The following IL12RB2 variants were observed in gnomAD, a reference collection of about 807,000 sequenced individuals.
The protein encoded by IL12RB2 is interleukin-12 receptor subunit beta-2.
Under a neutral mutation model 89.4 loss-of-function variants are expected in IL12RB2, and 82 were observed. The ratio of observed to expected loss-of-function variants is 0.92; its 90% CI spans 0.77 to 1.10. The LOEUF (loss-of-function observed/expected upper bound fraction) is 1.10. Ranked by LOEUF, IL12RB2 falls within the 50% of genes least tolerant of loss-of-function variation. The pLI is 0.00. For missense variants in IL12RB2, 963 were observed against 1,031.9 expected, an observed-to-expected ratio of 0.93 and a Z score of 0.92; for synonymous variants, 368 against 370.1, an observed-to-expected ratio of 0.99 and a Z score of 0.07.
At chr1:67,314,307 T>A (rs554505859) in intron 2 of IL12RB2, among the ~76,000 whole-genome samples, 14 of 152,156 alleles carry the variant, frequency 9.2e-5, no homozygotes, top group Admixed American at 7.2e-4. Flanking sequence ...ACACTGAAAA[T>A]CATATGTGAT....
chr1:67,325,117 C>T (rs1181131312), intron 4 of IL12RB2, among the ~76,000 whole-genome samples: 1 of 152,242 alleles, frequency 6.6e-6, no homozygotes, highest in Admixed American at 6.5e-5. Context: ...GTCATTTATA[C>T]AGATCAAATG....
At chr1:67,394,182 A>G (rs191825217) in intron 16 of IL12RB2, among the ~76,000 whole-genome samples, 2 of 152,256 alleles carry the variant, frequency 1.3e-5, no homozygotes, top group Admixed American at 1.3e-4. Flanking sequence ...TTCTGAAGAG[A>G]AAGACAGAGA....
intron 9 of IL12RB2, among the ~76,000 whole-genome samples, chr1:67,341,877 G>C (rs1418764720): frequency 6.6e-6 from 1 of 152,230 alleles, no homozygotes; most frequent in Non-Finnish European, 1.5e-5. Context: ...GAACCACAGA[G>C]TTATAGACCT....
At chr1:67,395,322 G>C (rs552669258) in intron 16 of IL12RB2, among the ~76,000 whole-genome samples, 2 of 152,032 alleles carry the variant, frequency 1.3e-5, no homozygotes, top group Admixed American at 6.5e-5. Context: ...GCAGGGCTGT[G>C]AATCACTCAC....
chr1:67,340,602 G>T (rs1659417455), intron 9 of IL12RB2, among the ~76,000 whole-genome samples: 1 of 152,172 alleles, frequency 6.6e-6, no homozygotes, highest in African/African-American at 2.4e-5. Context: ...AAATCACAAG[G>T]GCCACCAGTG....
At chr1:67,374,389 C>T (rs1451678035) in intron 13 of IL12RB2, among the ~76,000 whole-genome samples, 1 of 152,172 alleles carries the variant, frequency 6.6e-6, no homozygotes, top group African/African-American at 2.4e-5. Context: ...TCTGGAATTC[C>T]TCATGTGAAA....
intron 13 of IL12RB2, among the ~76,000 whole-genome samples, chr1:67,376,455 C>T (rs987107828): frequency 3.3e-5 from 5 of 152,208 alleles, no homozygotes; most frequent in African/African-American, 1.2e-4. Flanking sequence ...ACTATCACAT[C>T]TTCCTACACT....
At chr1:67,389,329 C>T (rs1208501475) in intron 15 of IL12RB2, among the ~76,000 whole-genome samples, 2 of 116,548 alleles carry the variant, frequency 1.7e-5, no homozygotes, top group African/African-American at 5.5e-5. Context: ...AATTGTAAAG[C>T]ATACTTTTAA....
intron 9 of IL12RB2, 31 bp from the exon 10 acceptor site, chr1:67,350,839 G>GTAAA: frequency 6.2e-7 from 1 of 1,612,666 alleles, no homozygotes; most frequent in Non-Finnish European, 8.5e-7. Flanking sequence ...TTGTCTGGGA[G>GTAAA]TAAATAGTGA....
intron 9 of IL12RB2, among the ~76,000 whole-genome samples, chr1:67,339,041 A>G (rs1487472710): frequency 6.6e-6 from 1 of 150,606 alleles, no homozygotes; most frequent in Admixed American, 6.6e-5. Context: ...TATGCCCAGC[A>G]GTAACCATGT....
intron 14 of IL12RB2, among the ~76,000 whole-genome samples, chr1:67,380,452 TG>T (rs1664455084): frequency 6.6e-6 from 1 of 152,246 alleles, no homozygotes; most frequent in Non-Finnish European, 1.5e-5. Context: ...TGTTTACCTC[TG>T]TCTTCAAGGC....
rs545307172 is a variant in IL12RB2, at chr1:67,328,657, T to C, written c.664+273T>C. On this transcript the variant is annotated intron_variant, in intron 6 of 16. Coordinates refer to ENST00000674203, the MANE Select transcript of IL12RB2 (RefSeq NM_001374259.2). ...ATCCCATGAAAGAACCAGCTACTAA[T>C]GATACCACCTGACTGAGGAGAGGGT... is the stretch of plus-strand genomic sequence containing the variant. Among the ~76,000 whole-genome samples, 11 of 152,316 alleles carry C rather than the reference T, an allele frequency of 7.2e-5. No homozygotes were observed. In the South Asian group the frequency reaches 2.3e-3, roughly 32 times the overall value.
rs775826104 is a variant in IL12RB2 at position 67,372,461 on chromosome 1, T to C, written c.1485T>C (p.Tyr495=). 13 of 1,590,294 alleles carry C rather than the reference T, an allele frequency of 8.2e-6. No individual in the cohort carries two copies. In the African/African-American group the frequency reaches 1.1e-4, roughly 13 times the overall value. ...ISENIKSYIC[Y]EIRVYALSGD... is the part of the protein sequence containing the mutation. ...AGAACATAAAATCCTACATCTGTTA[T>C]GAAATCCGTGTGTATGCACTCTCAG... The change falls in exon 12 of 17, where the codon TAT becomes TAC. Residue 495 remains tyrosine (Y), a synonymous_variant. Transcript: ENST00000674203.
chr1:67,372,689 G>T lies in IL12RB2; in HGVS notation c.1623G>T (p.Trp541Cys). ...AAAAGGGGAGCATTTTAATTTCATG[G>T]AACAGCATTCCAGTCCAGGAGCAAA... is the stretch of plus-strand genomic sequence containing the variant. ...TEEKGSILIS[W>C]NSIPVQEQMG... The change falls in exon 13 of 17, where the codon TGG becomes TGT. Residue 541 changes from tryptophan to cysteine, a missense_variant. Coordinates refer to ENST00000674203, the MANE Select transcript of IL12RB2 (RefSeq NM_001374259.2). The T allele has an allele frequency of 6.2e-7, 1 of 1,611,310 alleles. No homozygotes were observed.
chr1:67,379,509 CAAAAA>C (rs58494224), intron 13 of IL12RB2, among the ~76,000 whole-genome samples: 1 of 68,490 alleles, frequency 1.5e-5, no homozygotes, highest in East Asian at 4.7e-4. Flanking sequence ...GAACCTGTCT[CAAAAA>C]AAAAAAAAAA....
intron 14 of IL12RB2, among the ~76,000 whole-genome samples, chr1:67,381,868 C>A (rs1664629967): frequency 6.6e-6 from 1 of 151,834 alleles, no homozygotes; most frequent in African/African-American, 2.4e-5. Context: ...TGCCTGTAAT[C>A]CCAGCTACTT....
chr1:67,339,843 A>G (rs1384793575), intron 9 of IL12RB2, among the ~76,000 whole-genome samples: 1 of 152,226 alleles, frequency 6.6e-6, no homozygotes, highest in Non-Finnish European at 1.5e-5. Context: ...GAACTGCTGC[A>G]TCGTGACTCA....
At chr1:67,333,793 C>A (rs1381210565) in intron 8 of IL12RB2, among the ~76,000 whole-genome samples, 2 of 152,120 alleles carry the variant, frequency 1.3e-5, no homozygotes, top group Non-Finnish European at 2.9e-5. Context: ...TCCAGACATG[C>A]CTGAGAACAT....
At chr1:67,351,453 A>G (rs906760276) in intron 10 of IL12RB2, among the ~76,000 whole-genome samples, 3 of 152,240 alleles carry the variant, frequency 2.0e-5, no homozygotes, top group African/African-American at 7.2e-5. Flanking sequence ...AAGCAGGAGA[A>G]ATACGTGTTA....
Sources: allele counts gnomAD v4.1 joint callset (sites outside exome capture counted in the v4.1 genomes callset), GRCh38; gene constraint gnomAD v4.1.1; transcripts MANE v1.5; gene names NCBI Gene and HGNC (gene_info 2026-07-23, HGNC 2026-07-21).